Variants in PDZRN3 observed in about 807,000 individuals in gnomAD.
PDZRN3 encodes the protein E3 ubiquitin-protein ligase PDZRN3.
PDZRN3 carries 38 observed loss-of-function variants against 85.7 expected under a neutral mutation model. The observed-to-expected ratio is 0.44, with a 90% confidence interval of 0.34 to 0.58. PDZRN3 has a LOEUF of 0.58. Among genes scored for constraint, PDZRN3 ranks in the 20% least tolerant of loss-of-function variants. The pLI is 0.01. For missense variants in PDZRN3, 1,629 were observed against 1,506.4 expected (o/e 1.08, Z -1.35); for synonymous variants, 759 against 638.0 (o/e 1.19, Z -2.86).
chr3:73,468,467 T>C (rs1182081837), intron 3 of PDZRN3, among the ~76,000 whole-genome samples: 1 of 151,196 alleles, frequency 6.6e-6, no homozygotes, highest in East Asian at 2.0e-4. Flanking sequence ...TTTGAGTCAA[T>C]TAAAGCACAT....
chr3:73,491,606 A>C, intron 3 of PDZRN3, among the ~76,000 whole-genome samples: 1 of 2,498 alleles, frequency 4.0e-4, no homozygotes. Context: ...TTTTTTTTTT[A>C]AGAAGCAGGG....
intron 3 of PDZRN3, among the ~76,000 whole-genome samples, chr3:73,549,357 C>T (rs961589828): frequency 2.6e-5 from 4 of 152,064 alleles, no homozygotes; most frequent in African/African-American, 4.8e-5. Flanking sequence ...GCACTGTACC[C>T]GAGAGAAGTT....
At chr3:73,427,401 G>A (rs945847189) in intron 3 of PDZRN3, among the ~76,000 whole-genome samples, 3 of 152,104 alleles carry the variant, frequency 2.0e-5, no homozygotes, top group African/African-American at 4.8e-5. Flanking sequence ...CCTTCACCCC[G>A]AACTGTTGAC....
rs767085999 is a variant in PDZRN3, at chr3:73,384,454, G to T, written c.2112C>A (p.Arg704=). The T allele has an allele frequency of 4.3e-6, 7 of 1,612,294 alleles. No homozygotes were observed. The highest frequency in any genetic ancestry group is 5.1e-6 in the Non-Finnish European group (6 of 1,180,030). ...SIELECLSIV[R]AHKMQQLKEQ... ...CCTTGAGCTGCTGCATCTTGTGGGC[G>T]CGCACGATGCTCAGGCACTCCAGCT... Residue 704 remains arginine, a synonymous_variant, in exon 10 of 10, where the codon CGC becomes CGA. Coordinates refer to ENST00000263666, the MANE Select transcript of PDZRN3 (RefSeq NM_015009.3).
rs761719859 is a variant in PDZRN3, at chr3:73,404,376, G to C, written c.938C>G (p.Ser313Cys). 1 of 1,613,920 alleles carries C rather than the reference G, an allele frequency of 6.2e-7. No individual in the cohort carries two copies. The highest frequency in any genetic ancestry group is 2.2e-5 in the East Asian group (1 of 44,878). The change falls in exon 4 of 10, where the codon TCC becomes TGC. Residue 313 changes from serine (S) to cysteine (C), a missense_variant. Ser to Cys is a moderately radical substitution (Grantham distance 112). Transcript: ENST00000263666. ...RIIEVNGRDL[S>C]RATHDQAVEA... ...CACAGCCTGGTCATGAGTTGCTCTG[G>C]ATAAGTCTCTGCCGTTGACCTGTGG...
chr3:73,468,556 A>C (rs1703269963), intron 3 of PDZRN3, among the ~76,000 whole-genome samples: 1 of 152,196 alleles, frequency 6.6e-6, no homozygotes, highest in South Asian at 2.1e-4. Flanking sequence ...TTTGAACAGA[A>C]GCCCTATCTC....
intron 3 of PDZRN3, among the ~76,000 whole-genome samples, chr3:73,424,367 CAAAAA>C (rs66466551): frequency 0.031 from 1,700 of 54,840 alleles, 17 homozygotes; most frequent in Non-Finnish European, 0.043. Flanking sequence ...CCGTCTCTAC[CAAAAA>C]AAAAAAAAAA....
At chr3:73,554,193 T>C (rs899885250) in intron 3 of PDZRN3, among the ~76,000 whole-genome samples, 1 of 152,126 alleles carries the variant, frequency 6.6e-6, no homozygotes, top group Non-Finnish European at 1.5e-5. Flanking sequence ...TTTACAATCT[T>C]ATATATACCC....
Position 73,408,497 on chromosome 3 carries a change from C to T in PDZRN3, c.919-4102G>A, listed in dbSNP as rs192537197. ...ATTTGTATGCCGTAAGGCTTCTTGA[C>T]TTCCCAGAAGCTCCCTGCCCATCTT... is the stretch of plus-strand genomic sequence containing the variant. On this transcript the variant is annotated intron_variant, in intron 3 of 9. Coordinates refer to ENST00000263666, the MANE Select transcript of PDZRN3 (RefSeq NM_015009.3). 1.2e-3 allele frequency among the ~76,000 whole-genome samples: 186 copies of T among 152,168 alleles called. 1 individual carries two copies. Among genetic ancestry groups the T allele is most frequent in the Middle Eastern group, 3.4e-3 (1 of 294 alleles).
Position 73,531,780 on chromosome 3 carries a change from G to A in PDZRN3, c.918+70574C>T, listed in dbSNP as rs193060905. 7.9e-5 allele frequency among the ~76,000 whole-genome samples: 12 copies of A among 152,282 alleles called. No individual in the cohort carries two copies. In the East Asian group the frequency reaches 2.1e-3, roughly 27 times the overall value. On this transcript the variant is annotated intron_variant, in intron 3 of 9. Coordinates refer to ENST00000263666, the MANE Select transcript of PDZRN3 (RefSeq NM_015009.3). The stretch of plus-strand genomic sequence containing the variant: ...GTCTAATCAGCCTAATGTCTAGACC[G>A]AGTGTCATCAATACTTTAGCTGCAT...
At position 73,464,177 on chromosome 3, in the gene PDZRN3, G is replaced by T. The variant is rs377640196; in HGVS notation, c.919-59782C>A. Among the ~76,000 whole-genome samples the T allele has an allele frequency of 4.6e-5, 7 of 152,110 alleles. No individual in the cohort carries two copies. The East Asian group carries it at 7.7e-4, about 17-fold the overall frequency. On this transcript the variant is annotated intron_variant, in intron 3 of 9. Transcript: ENST00000263666. ...TTTTTTTGTATTTTTCGTAGAGATG[G>T]GGTTTCACCATGTTGGCCAGGCTGG...
chr3:73,502,652 G>C (rs1352582393), intron 3 of PDZRN3, among the ~76,000 whole-genome samples: 1 of 152,162 alleles, frequency 6.6e-6, no homozygotes, highest in African/African-American at 2.4e-5. Flanking sequence ...CATGAAACCA[G>C]GCAGCTGTAA....
chr3:73,555,651 G>A (rs774087449), intron 3 of PDZRN3, among the ~76,000 whole-genome samples: 3 of 152,078 alleles, frequency 2.0e-5, no homozygotes, highest in Non-Finnish European at 4.4e-5. Flanking sequence ...CTTTGGGGAG[G>A]TAACACTGAC....
rs1264882921 is a variant in PDZRN3 at position 73,382,805 on chromosome 3, C to G, written c.*560G>C. ...GAAAATGTTTAAATGTATATCCCAA[C>G]TCTAAACGCTGCCGGTTTGGTTATA... is the stretch of plus-strand genomic sequence containing the variant. On this transcript the variant is annotated 3_prime_UTR_variant, in exon 10 of 10. Transcript: ENST00000263666. The G allele has an allele frequency of 6.5e-6, 1 of 153,114 alleles. No homozygotes were observed. The highest frequency in any genetic ancestry group is 2.4e-5 in the African/African-American group (1 of 41,464). The allele number at this position is 153,114 out of a possible 1,614,324, so 9.5% of individuals were successfully genotyped here. A position where few individuals can be genotyped will look rare whatever the true frequency, so the allele number is the denominator to read the frequency against.
intron 4 of PDZRN3, chr3:73,402,534 A>G (rs1349849297): frequency 6.6e-6 from 1 of 152,176 alleles, no homozygotes; most frequent in African/African-American, 2.4e-5. Flanking sequence ...GAGATAGATA[A>G]TAGTTCTTTG....
chr3:73,581,685 A>G (rs934594139), intron 3 of PDZRN3, among the ~76,000 whole-genome samples: 2 of 152,178 alleles, frequency 1.3e-5, no homozygotes, highest in Admixed American at 6.5e-5. Flanking sequence ...AACATCATGC[A>G]TTTATTAAAA....
At chr3:73,546,609 T>C (rs1481507278) in intron 3 of PDZRN3, among the ~76,000 whole-genome samples, 2 of 152,358 alleles carry the variant, frequency 1.3e-5, no homozygotes, top group East Asian at 1.9e-4. Flanking sequence ...TTCAAGGTTC[T>C]GCAATACGTA....
Position 73,570,514 on chromosome 3 carries a change from C to T in PDZRN3, c.918+31840G>A, listed in dbSNP as rs879707043. ...CATATCCCCAGATATGTAATAAATG[C>T]GGCATTAACCCACATGCTCACTTAC... On this transcript the variant is annotated intron_variant, in intron 3 of 9. Transcript: ENST00000263666. Among the ~76,000 whole-genome samples the T allele has an allele frequency of 5.3e-5, 8 of 152,152 alleles. No homozygotes were observed. In the South Asian group the frequency reaches 8.3e-4, roughly 16 times the overall value.
chr3:73,574,323 T>TG (rs1025407105), intron 3 of PDZRN3, among the ~76,000 whole-genome samples: 8 of 152,188 alleles, frequency 5.3e-5, no homozygotes, highest in Admixed American at 1.3e-4. Flanking sequence ...ACTGAGTACT[T>TG]GACCATGGTA....
Sources: allele counts gnomAD v4.1 joint callset (sites outside exome capture counted in the v4.1 genomes callset), GRCh38; gene constraint gnomAD v4.1.1; transcripts MANE v1.5; gene names NCBI Gene and HGNC (gene_info 2026-07-23, HGNC 2026-07-21).